The following PACRG variants were observed in gnomAD, a reference collection of about 807,000 sequenced individuals.
PACRG encodes the protein parkin coregulated gene protein.
In PACRG, 29 loss-of-function variants were observed where a neutral mutation model predicts 29.7. The ratio of observed to expected loss-of-function variants is 0.98; its 90% CI spans 0.73 to 1.33. The LOEUF is 1.33. Among genes scored for constraint, PACRG ranks in the 40% most tolerant of loss-of-function variants. PACRG has a pLI of 0.00. For synonymous variants in PACRG, 116 were observed against 118.7 expected, an observed-to-expected ratio of 0.98 and a Z score of 0.15; for missense variants, 279 against 316.2, an observed-to-expected ratio of 0.88 and a Z score of 0.89.
intron 4 of PACRG, chr6:163,100,812 G>C: frequency 1.0e-6 from 1 of 985,130 alleles, no homozygotes; most frequent in South Asian, 4.7e-5. Flanking sequence ...TAAATGTGGA[G>C]TTGAAAAATG....
intron 2 of PACRG, among the ~76,000 whole-genome samples, chr6:162,916,501 C>A (rs1796704727): frequency 6.6e-6 from 1 of 152,146 alleles, no homozygotes; most frequent in South Asian, 2.1e-4. Flanking sequence ...CCTTCTGGAA[C>A]CTAAAGCTCA....
At chr6:162,851,089 G>C (rs969293167) in intron 2 of PACRG, among the ~76,000 whole-genome samples, 1 of 152,244 alleles carries the variant, frequency 6.6e-6, no homozygotes, top group Non-Finnish European at 1.5e-5. Context: ...AGTGGGGTGA[G>C]AGCGGAGGAA....
chr6:162,949,351 A>C (rs993234720), intron 2 of PACRG, among the ~76,000 whole-genome samples: 14 of 152,140 alleles, frequency 9.2e-5, no homozygotes, highest in African/African-American at 3.4e-4. Context: ...AGAGACTGGG[A>C]AGGATGTGCA....
chr6:162,976,099 G>A (rs2128165772), intron 2 of PACRG, among the ~76,000 whole-genome samples: 1 of 152,254 alleles, frequency 6.6e-6, no homozygotes, highest in African/African-American at 2.4e-5. Flanking sequence ...GTGTATGTTT[G>A]AGAAATCCTG....
At chr6:162,886,899 GTTA>G (rs1240432146) in intron 2 of PACRG, among the ~76,000 whole-genome samples, 1 of 152,054 alleles carries the variant, frequency 6.6e-6, no homozygotes, top group African/African-American at 2.4e-5. Flanking sequence ...TGCAACTCCA[GTTA>G]TTATTATTAT....
At chr6:162,976,210 G>A (rs1352626835) in intron 2 of PACRG, among the ~76,000 whole-genome samples, 8 of 152,214 alleles carry the variant, frequency 5.3e-5, no homozygotes, top group Non-Finnish European at 1.0e-4. Context: ...TGAGTAGCGT[G>A]TTTTAAAACT....
At chr6:163,177,410 G>C (rs1779416267) in intron 4 of PACRG, among the ~76,000 whole-genome samples, 1 of 152,190 alleles carries the variant, frequency 6.6e-6, no homozygotes, top group Admixed American at 6.5e-5. Flanking sequence ...GCTGGGAGGA[G>C]AAACCTGGAA....
intron 4 of PACRG, among the ~76,000 whole-genome samples, chr6:163,311,342 A>C (rs1785405250): frequency 6.6e-6 from 1 of 152,252 alleles, no homozygotes; most frequent in Non-Finnish European, 1.5e-5. Flanking sequence ...CCCAGACATA[A>C]AATCCACTCC....
intron 2 of PACRG, among the ~76,000 whole-genome samples, chr6:162,997,232 C>CA (rs1175154009): frequency 4.6e-5 from 7 of 152,134 alleles, no homozygotes; most frequent in African/African-American, 1.4e-4. Flanking sequence ...CTACATAAGG[C>CA]AAAAACCCTA....
chr6:162,878,067 A>G (rs1793521437), intron 2 of PACRG, among the ~76,000 whole-genome samples: 1 of 152,228 alleles, frequency 6.6e-6, no homozygotes, highest in Non-Finnish European at 1.5e-5. Context: ...TATAAATAGT[A>G]TGAGCAAAAA....
At chr6:162,846,869 ACCGCTGCT>A (rs1332465568) in intron 2 of PACRG, among the ~76,000 whole-genome samples, 1 of 145,504 alleles carries the variant, frequency 6.9e-6, no homozygotes, top group Non-Finnish European at 1.5e-5. Context: ...CCCCATGCTG[ACCGCTGCT>A]CTCCACACTG....
intron 2 of PACRG, among the ~76,000 whole-genome samples, chr6:162,857,418 G>T (rs1464826141): frequency 6.6e-6 from 1 of 152,188 alleles, no homozygotes; most frequent in Non-Finnish European, 1.5e-5. Flanking sequence ...GAGTAGAGAT[G>T]CTTTACAAAA....
intron 2 of PACRG, among the ~76,000 whole-genome samples, chr6:162,956,344 A>G (rs1333019017): frequency 6.6e-6 from 1 of 152,112 alleles, no homozygotes; most frequent in Admixed American, 6.5e-5. Flanking sequence ...GTTTCCTTTT[A>G]AGTAGTTTAA....
chr6:163,117,049 G>A (rs1316319804), intron 4 of PACRG, among the ~76,000 whole-genome samples: 5 of 152,192 alleles, frequency 3.3e-5, no homozygotes, highest in Admixed American at 2.6e-4. Flanking sequence ...CAAAAGCTGG[G>A]TGAGCATGCC....
At chr6:162,778,999 C>A (rs975303585) in intron 1 of PACRG, among the ~76,000 whole-genome samples, 3 of 152,150 alleles carry the variant, frequency 2.0e-5, no homozygotes, top group Admixed American at 1.3e-4. Flanking sequence ...AGTTCAGCAC[C>A]CATTAGCGGT....
At chr6:163,157,312 C>T (rs1426124817) in intron 4 of PACRG, among the ~76,000 whole-genome samples, 2 of 152,190 alleles carry the variant, frequency 1.3e-5, no homozygotes, top group Non-Finnish European at 2.9e-5. Context: ...GCCTTACCTT[C>T]CCTCAGCTCT....
intron 1 of PACRG, among the ~76,000 whole-genome samples, chr6:162,746,829 G>GA (rs1781024037): frequency 6.6e-6 from 1 of 152,062 alleles, no homozygotes; most frequent in East Asian, 1.9e-4. Context: ...TAACTTACAG[G>GA]AAAAAAGAGG....
At position 162,776,990 on chromosome 6, in the gene PACRG, C is replaced by A. The variant is rs6905708; in HGVS notation, c.157-37157C>A. ...CACATTGGGTACAGTGCACACTGCT[C>A]AGGTGCTGGGTGCACCTGAATCTCC... On this transcript the variant is annotated intron_variant, in intron 1 of 4. Transcript: ENST00000366888. Among the ~76,000 whole-genome samples, 632 of 152,280 alleles carry A rather than the reference C, an allele frequency of 4.2e-3. 1 individual carries two copies. Among genetic ancestry groups the A allele is most frequent in the African/African-American group, 0.015 (603 of 41,560 alleles).
At chr6:162,811,180 A>T (rs556395087) in intron 1 of PACRG, among the ~76,000 whole-genome samples, 1 of 152,324 alleles carries the variant, frequency 6.6e-6, no homozygotes, top group South Asian at 2.1e-4. Flanking sequence ...CTTAAATCCT[A>T]CATCCAGTTA....
Sources: allele counts gnomAD v4.1 joint callset (sites outside exome capture counted in the v4.1 genomes callset), GRCh38; gene constraint gnomAD v4.1.1; transcripts MANE v1.5; gene names NCBI Gene and HGNC (gene_info 2026-07-23, HGNC 2026-07-21).